Variants in PALM observed in about 807,000 individuals in gnomAD.
PALM encodes paralemmin-1.
Under a neutral mutation model 30.7 loss-of-function variants are expected in PALM, and 18 were observed. The observed-to-expected ratio is 0.59, with a 90% confidence interval of 0.41 to 0.87. The LOEUF is 0.87. Among genes scored for constraint, PALM ranks in the 40% least tolerant of loss-of-function variants. PALM has a pLI of 0.00. For missense variants in PALM, 529 were observed against 555.4 expected (o/e 0.95, Z 0.48); for synonymous variants, 286 against 242.8 (o/e 1.18, Z -1.66).
In PALM at chr19:731,117, C is replaced by T; in HGVS notation, c.292C>T (p.Leu98=). ...VSRLEKEIEV[L]ERGDSAPATA... ...CAGGTTGGAGAAGGAAATTGAGGTG[C>T]TGGAGCGTGGAGACTCCGCCCCAGC... is the stretch of plus-strand genomic sequence containing the variant. The change falls in exon 5 of 9, where the codon CTG becomes TTG. Residue 98 remains leucine (L), a synonymous_variant. Coordinates refer to ENST00000338448, the MANE Select transcript of PALM (RefSeq NM_002579.3). 6.2e-7 allele frequency: 1 copy of T among 1,600,714 alleles called. No homozygotes were observed. Among genetic ancestry groups the T allele is most frequent in the Non-Finnish European group, 8.5e-7 (1 of 1,174,006 alleles).
Position 747,368 on chromosome 19 carries a change from G to A in PALM, c.*554G>A, listed in dbSNP as rs1218167483. 4 of 155,494 alleles carry A rather than the reference G, an allele frequency of 2.6e-5. No individual in the cohort carries two copies. The South Asian group carries it at 6.0e-4, about 23-fold the overall frequency. 9.6% of individuals were successfully genotyped at this position (155,494 alleles called of 1,614,324 possible). A position where few individuals can be genotyped will look rare whatever the true frequency, so the allele number is the denominator to read the frequency against. ...AGGCCGTGCCTCTTTGGGGGCTAAA[G>A]GTCTTGGGTGGAGGACAGGCCCCTC... is the stretch of plus-strand genomic sequence containing the variant. On this transcript the variant is annotated 3_prime_UTR_variant, in exon 9 of 9. Transcript: ENST00000338448.
At chr19:714,176 A>AT (rs1340286207) in intron 1 of PALM, among the ~76,000 whole-genome samples, 1 of 151,398 alleles carries the variant, frequency 6.6e-6, no homozygotes, top group Non-Finnish European at 1.5e-5. Flanking sequence ...AAGTGCTGGG[A>AT]TTACAGGCGT....
rs368795882 is a variant in PALM, at chr19:729,199, G to A, written c.269+1505G>A. The stretch of plus-strand genomic sequence containing the variant: ...AAAATTAGGTGGATTAGTGGCGGGC[G>A]CCTGTAATCCCAGCTACTGGGGAGG... On this transcript the variant is annotated intron_variant, in intron 4 of 8. Transcript: ENST00000338448. 8.7e-5 allele frequency among the ~76,000 whole-genome samples: 13 copies of A among 149,840 alleles called. No homozygotes were observed. In the East Asian group the frequency reaches 1.4e-3, roughly 17 times the overall value.
chr19:721,311 G>A (rs1437833789), intron 1 of PALM, among the ~76,000 whole-genome samples: 1 of 152,120 alleles, frequency 6.6e-6, no homozygotes, highest in African/African-American at 2.4e-5. Context: ...TGTCCCCCAG[G>A]CTAGAGTGCG....
chr19:723,798 G>T (rs978761422), intron 1 of PALM, among the ~76,000 whole-genome samples: 14 of 152,264 alleles, frequency 9.2e-5, no homozygotes, highest in African/African-American at 3.4e-4. Flanking sequence ...TACCGTCTCT[G>T]TTGGCCAGGC....
intron 3 of PALM, among the ~76,000 whole-genome samples, 161 bp downstream of exon 3, chr19:727,249 C>T (rs117660285): frequency 6.1e-3 from 207 of 34,094 alleles, no homozygotes; most frequent in Admixed American, 0.011. Context: ...ACCCCGACCC[C>T]GACCCTGACC....
rs1392856588 is a variant in PALM at position 735,275 on chromosome 19, G to T, written c.443-744G>T. 2.1e-5 allele frequency among the ~76,000 whole-genome samples: 3 copies of T among 145,190 alleles called. No homozygotes were observed. The East Asian group carries it at 6.3e-4, about 31-fold the overall frequency. ...GCCTGTGTTTGGGTGTCTCGGTGGGGTCTGTGTGTCTGGGGGCCCAGGTGC... is the reference window on the plus strand; with the variant it reads ...GCCTGTGTTTGGGTGTCTCGGTGGGTTCTGTGTGTCTGGGGGCCCAGGTGC... On this transcript the variant is annotated intron_variant, in intron 6 of 8. Transcript: ENST00000338448.
At position 734,179 on chromosome 19, in the gene PALM, G is replaced by C; in HGVS notation, c.427G>C (p.Val143Leu). 6.2e-7 allele frequency: 1 copy of C among 1,613,984 alleles called. No individual in the cohort carries two copies. Among genetic ancestry groups the C allele is most frequent in the Non-Finnish European group, 8.5e-7 (1 of 1,179,940 alleles). ...EVVMNSQQTP[V>L]GTPKDKRVSN... ...TCTCTCTTCTTTCTTGCAGACGCCG[G>C]TGGGCACGCCCAAAGGTAGGACCTC... Residue 143 changes from valine to leucine, a missense_variant, in exon 6 of 9, where the codon GTG becomes CTG. Coordinates refer to ENST00000338448, the MANE Select transcript of PALM (RefSeq NM_002579.3).
chr19:721,139 C>CCCT (rs2032464394), intron 1 of PALM, among the ~76,000 whole-genome samples: 1 of 152,148 alleles, frequency 6.6e-6, no homozygotes, highest in African/African-American at 2.4e-5. Context: ...TGGTGCATAG[C>CCCT]CAGGGGGCCC....
At chr19:731,330 G>A (rs957155599) in intron 5 of PALM, 85 bp downstream of exon 5, 36 of 1,220,570 alleles carry the variant, frequency 2.9e-5, no homozygotes, top group Admixed American at 1.1e-4. Flanking sequence ...CCATGTCAGC[G>A]TAGCTGAGGG....
chr19:738,417 T>C (rs952374462), intron 7 of PALM, among the ~76,000 whole-genome samples: 9 of 152,004 alleles, frequency 5.9e-5, no homozygotes, highest in Non-Finnish European at 1.3e-4. Context: ...TCCCAGCTGC[T>C]CGGGAGCCTT....
intron 1 of PALM, among the ~76,000 whole-genome samples, chr19:724,903 C>T (rs113296578): frequency 6.6e-6 from 1 of 151,622 alleles, no homozygotes; most frequent in Admixed American, 6.6e-5. Flanking sequence ...AAATTACAGG[C>T]GTGAGCAGCT....
chr19:716,282 A>C (rs1568218824), intron 1 of PALM, among the ~76,000 whole-genome samples: 1 of 152,114 alleles, frequency 6.6e-6, no homozygotes, highest in Non-Finnish European at 1.5e-5. Flanking sequence ...GCATGGTGGC[A>C]GGTGCCTGTA....
rs550648595 is a variant in PALM at position 746,049 on chromosome 19, C to G, written c.635-236C>G. Among the ~76,000 whole-genome samples, 1,392 of 152,314 alleles carry G rather than the reference C, an allele frequency of 9.1e-3. 16 individuals are homozygous for G. The highest frequency in any genetic ancestry group is 0.015 in the Non-Finnish European group (993 of 68,032). On this transcript the variant is annotated intron_variant, in intron 8 of 8. Coordinates refer to ENST00000338448, the MANE Select transcript of PALM (RefSeq NM_002579.3). This position sits in a 1 kb window ranked among gnomAD's most constrained non-coding sequence, Gnocchi z 7.1. ...CTCCAGCCTGGGCGACAGAGTGAGACTCCGTCTCAAAAAAAATTTTTTTTC... is the reference window on the plus strand; with the variant it reads ...CTCCAGCCTGGGCGACAGAGTGAGAGTCCGTCTCAAAAAAAATTTTTTTTC...
chr19:711,839 C>G (rs78098786), intron 1 of PALM, among the ~76,000 whole-genome samples: 3 of 151,978 alleles, frequency 2.0e-5, no homozygotes, highest in Non-Finnish European at 4.4e-5. Context: ...AGGCCAGTCT[C>G]GAACTCCTGG....
rs200497058 is a variant in PALM at position 746,624 on chromosome 19, C to T, written c.974C>T (p.Thr325Met). 7.1e-5 allele frequency: 115 copies of T among 1,613,150 alleles called. No individual in the cohort carries two copies. The East Asian group carries it at 2.3e-3, about 32-fold the overall frequency. ...KKVLGLQDTI[T>M]AELVVIEDAA... Reference sequence around the variant, plus strand: ...GTGCTGGGCCTTCAAGATACCATCACGGCGGAGCTGGTGGTCATCGAAGAC... The same window carrying T: ...GTGCTGGGCCTTCAAGATACCATCATGGCGGAGCTGGTGGTCATCGAAGAC... The change falls in exon 9 of 9, where the codon ACG becomes ATG. Residue 325 changes from threonine (T) to methionine (M), a missense_variant. By Grantham distance (81) the Thr-to-Met change is moderately conservative. Transcript: ENST00000338448. The surrounding 1 kb of genome is among the most constrained non-coding windows in gnomAD (Gnocchi z 7.1).
chr19:726,664 G>A (rs2032671632), intron 2 of PALM, among the ~76,000 whole-genome samples: 1 of 152,128 alleles, frequency 6.6e-6, no homozygotes, highest in Non-Finnish European at 1.5e-5. Flanking sequence ...CACGACGCTG[G>A]GCTAATTGTT....
chr19:739,077 G>A (rs943504224), intron 7 of PALM, among the ~76,000 whole-genome samples: 2 of 152,176 alleles, frequency 1.3e-5, no homozygotes, highest in Non-Finnish European at 2.9e-5. Flanking sequence ...GGGGTGGCGG[G>A]CAGCCACCAG....
rs1348448416 is a variant in PALM, at chr19:742,428, A to T, written c.634+1945A>T. ...GAGACCAGCCTGGCCAACATGGAGA[A>T]CCCCCGTCTCTGCTAAAAATACAAA... On this transcript the variant is annotated intron_variant, in intron 8 of 8. Transcript: ENST00000338448. This position sits in a 1 kb window ranked among gnomAD's most constrained non-coding sequence, Gnocchi z 5.5. 2.0e-5 allele frequency among the ~76,000 whole-genome samples: 3 copies of T among 152,038 alleles called. No individual in the cohort carries two copies. The highest frequency in any genetic ancestry group is 7.2e-5 in the African/African-American group (3 of 41,390).
Sources: gnomAD v4.1 joint callset for allele counts (sites outside exome capture counted in the v4.1 genomes callset) on GRCh38, gnomAD v4.1.1 for gene constraint, Gnocchi (gnomAD v3.1) non-coding constraint, MANE v1.5 for transcripts, NCBI Gene and HGNC (gene_info 2026-07-23, HGNC 2026-07-21) for gene names.